Variants in TEKT3 observed in about 807,000 individuals in gnomAD.
TEKT3 encodes tektin-3.
A neutral mutation model predicts 49.8 loss-of-function variants in TEKT3; 49 were observed. The observed-to-expected ratio is 0.98, with a 90% CI of 0.78 to 1.25. The LOEUF is 1.25. Ranked by LOEUF, TEKT3 falls within the 50% of genes most tolerant of loss-of-function variation. The pLI is 0.00. For missense variants in TEKT3, 595 were observed against 629.5 expected, an observed-to-expected ratio of 0.95 and a Z score of 0.59; for synonymous variants, 225 against 237.2, an observed-to-expected ratio of 0.95 and a Z score of 0.47.
chr17:15,314,166 TC>T lies in TEKT3; in HGVS notation c.798del (p.Ile267SerfsTer55). 6.2e-7 allele frequency: 1 copy of T among 1,614,240 alleles called. No homozygotes were observed. The highest frequency in any genetic ancestry group is 1.1e-5 in the South Asian group (1 of 91,084). ...CGCAGGTGGTGGCATTTGTCGTCGA[TC>T]CGGTAAGCCGTCTGTTTGTCACTCA... is the stretch of plus-strand genomic sequence containing the variant. ...KDLSDKQTAY[R>X]IDDKCHHLRN... On this transcript the variant is annotated frameshift_variant, in exon 6 of 9. Transcript: ENST00000395930. LOFTEE classifies it high-confidence loss of function.
At chr17:15,309,278 C>T (rs1169111798) in intron 7 of TEKT3, among the ~76,000 whole-genome samples, 2 of 152,190 alleles carry the variant, frequency 1.3e-5, no homozygotes, top group South Asian at 2.1e-4. Context: ...CCCACTTTCT[C>T]TTCCTACCAA....
intron 7 of TEKT3, chr17:15,311,505 T>G (rs990347779): frequency 2.6e-5 from 4 of 152,208 alleles, no homozygotes; most frequent in Non-Finnish European, 4.4e-5. Context: ...GGGAGGATAT[T>G]GAATGTTTCC....
rs891249989 is a variant in TEKT3 at position 15,331,591 on chromosome 17, C to A, written c.-6G>T. Reference sequence around the variant, plus strand: ...GTACAACCTACACGTTCCATGATGCCAAAACACTATTTGTAAATCTCTCCT... The same window carrying A: ...GTACAACCTACACGTTCCATGATGCAAAAACACTATTTGTAAATCTCTCCT... On this transcript the variant is annotated 5_prime_UTR_variant, in exon 3 of 9. Transcript: ENST00000395930. The A allele has an allele frequency of 6.3e-7, 1 of 1,596,134 alleles. No homozygotes were observed. Among genetic ancestry groups the A allele is most frequent in the Admixed American group, 1.7e-5 (1 of 57,360 alleles).
intron 7 of TEKT3, among the ~76,000 whole-genome samples, chr17:15,311,752 CAT>C (rs1910780643): frequency 6.6e-6 from 1 of 152,214 alleles, no homozygotes; most frequent in South Asian, 2.1e-4. Context: ...TATCTTGAAA[CAT>C]ATGAATTCTG....
chr17:15,342,712 C>T (rs1912272315), upstream of TEKT3, among the ~76,000 whole-genome samples: 2 of 152,296 alleles, frequency 1.3e-5, no homozygotes, highest in African/African-American at 2.4e-5. Flanking sequence ...TTAAGCAACA[C>T]GACCCCTCTA....
chr17:15,327,636 T>C, intron 4 of TEKT3: 1 of 221,896 alleles, frequency 4.5e-6, no homozygotes, highest in Non-Finnish European at 9.1e-6. Context: ...TATCTGAGCA[T>C]CATTGTGTGA....
chr17:15,335,447 C>T (rs1459958010), intron 2 of TEKT3, among the ~76,000 whole-genome samples: 1 of 152,118 alleles, frequency 6.6e-6, no homozygotes, highest in African/African-American at 2.4e-5. Context: ...TGACAATCAC[C>T]TGGAGCATTC....
chr17:15,334,337 G>T (rs910124040), intron 2 of TEKT3, among the ~76,000 whole-genome samples: 1 of 152,218 alleles, frequency 6.6e-6, no homozygotes, highest in Non-Finnish European at 1.5e-5. Flanking sequence ...TTACAGGCAT[G>T]AGCCATCATG....
chr17:15,340,672 G>A (rs1328865090), intron 1 of TEKT3, among the ~76,000 whole-genome samples: 1 of 152,196 alleles, frequency 6.6e-6, no homozygotes, highest in African/African-American at 2.4e-5. Context: ...AGGGGAATGG[G>A]ATTTCCAAGG....
intron 5 of TEKT3, among the ~76,000 whole-genome samples, chr17:15,317,127 G>T (rs1911046594): frequency 6.6e-6 from 1 of 152,176 alleles, no homozygotes; most frequent in African/African-American, 2.4e-5. Flanking sequence ...ATCCCGGGAA[G>T]TGAGGTAGGC....
At position 15,333,919 on chromosome 17, in the gene TEKT3, T is replaced by G. The variant is rs1911883797; in HGVS notation, c.-29-2305A>C. 2.0e-5 allele frequency among the ~76,000 whole-genome samples: 3 copies of G among 151,720 alleles called. No homozygotes were observed. The South Asian group carries it at 6.3e-4, about 32-fold the overall frequency. The stretch of plus-strand genomic sequence containing the variant: ...CTGGGACTACAGGTGCCCGCCACCA[T>G]GCCCGGCTAATTTTTTTGTATTTTT... On this transcript the variant is annotated intron_variant, in intron 2 of 8. Coordinates refer to ENST00000395930, the MANE Select transcript of TEKT3 (RefSeq NM_031898.3).
At chr17:15,330,624 T>G (rs1031808131) in intron 3 of TEKT3, among the ~76,000 whole-genome samples, 1 of 152,204 alleles carries the variant, frequency 6.6e-6, no homozygotes, top group African/African-American at 2.4e-5. Context: ...CTGTACAGCC[T>G]GTAGAACCAG....
intron 7 of TEKT3, 59 bp downstream of exon 7, chr17:15,312,200 T>C (rs773182620): frequency 1.3e-6 from 2 of 1,521,662 alleles, no homozygotes; most frequent in Non-Finnish European, 1.8e-6. Context: ...AGATTTGTAG[T>C]CCCAGAGCAC....
chr17:15,337,794 T>C (rs1912050714), intron 2 of TEKT3, among the ~76,000 whole-genome samples: 1 of 152,114 alleles, frequency 6.6e-6, no homozygotes, highest in Non-Finnish European at 1.5e-5. Flanking sequence ...TGAGCCGAGA[T>C]CATGCCACTG....
chr17:15,305,594 G>A (rs907248884), intron 8 of TEKT3, among the ~76,000 whole-genome samples: 2 of 152,082 alleles, frequency 1.3e-5, no homozygotes, highest in Non-Finnish European at 2.9e-5. Flanking sequence ...TTTGATGGTG[G>A]ATTGTTTACA....
intron 6 of TEKT3, 21 bp downstream of exon 6, chr17:15,314,066 C>A (rs111925538): frequency 6.2e-7 from 1 of 1,613,994 alleles, no homozygotes; most frequent in African/African-American, 1.3e-5. Flanking sequence ...AAATCACAGC[C>A]GTGGCGTGTG....
intron 8 of TEKT3, among the ~76,000 whole-genome samples, chr17:15,307,526 G>A (rs1459737625): frequency 6.6e-6 from 1 of 152,202 alleles, no homozygotes; most frequent in Non-Finnish European, 1.5e-5. Context: ...TATTATCATT[G>A]CATTGATTAT....
chr17:15,313,283 G>A (rs1384340089), intron 6 of TEKT3, among the ~76,000 whole-genome samples: 1 of 152,188 alleles, frequency 6.6e-6, no homozygotes, highest in Non-Finnish European at 1.5e-5. Context: ...TCAACTGCGT[G>A]CATTGTATGG....
At chr17:15,310,413 TG>T (rs1300721170) in intron 7 of TEKT3, among the ~76,000 whole-genome samples, 3 of 152,128 alleles carry the variant, frequency 2.0e-5, no homozygotes, top group Non-Finnish European at 2.9e-5. Flanking sequence ...AGTGTCTCTG[TG>T]GGGGTGATTA....
Sources: allele counts gnomAD v4.1 joint callset (sites outside exome capture counted in the v4.1 genomes callset), GRCh38; gene constraint gnomAD v4.1.1; transcripts MANE v1.5; gene names NCBI Gene and HGNC (gene_info 2026-07-23, HGNC 2026-07-21).